The following ZNF423 variants were observed in gnomAD, a reference collection of about 807,000 sequenced individuals.
ZNF423 encodes the protein Ebf-associated zinc finger protein.
Under a neutral mutation model 95.8 loss-of-function variants are expected in ZNF423, and 12 were observed. The ratio of observed to expected loss-of-function variants is 0.13; its 90% CI spans 0.08 to 0.20. The LOEUF (loss-of-function observed/expected upper bound fraction) is 0.20. Ranked by LOEUF, ZNF423 falls within the 10% of genes least tolerant of loss-of-function variation. The pLI is 1.00. For missense variants in ZNF423, 1,316 were observed against 1,737.1 expected (o/e 0.76, Z 4.31); for synonymous variants, 749 against 711.9 (o/e 1.05, Z -0.83).
chr16:49,658,866 C>T (rs1249105602), intron 3 of ZNF423, among the ~76,000 whole-genome samples: 1 of 152,240 alleles, frequency 6.6e-6, no homozygotes, highest in South Asian at 2.1e-4. Flanking sequence ...CGCCCCAGCA[C>T]CCTGCCTGTC....
chr16:49,721,529 G>A (rs4785332), intron 3 of ZNF423, among the ~76,000 whole-genome samples: 119 of 152,070 alleles, frequency 7.8e-4, no homozygotes, highest in African/African-American at 2.5e-3. Flanking sequence ...AGCTTTGGCT[G>A]CTGCCAGGAA....
intron 3 of ZNF423, among the ~76,000 whole-genome samples, chr16:49,658,398 G>A (rs1339664375): frequency 6.6e-6 from 1 of 152,256 alleles, no homozygotes; most frequent in Non-Finnish European, 1.5e-5. Context: ...TGCTGGGCTA[G>A]CCAGGCGGCC....
chr16:49,709,914 A>G (rs554558150), intron 3 of ZNF423, among the ~76,000 whole-genome samples: 15 of 152,216 alleles, frequency 9.9e-5, no homozygotes, highest in African/African-American at 3.6e-4. Flanking sequence ...TCAGTCTCAG[A>G]TATTTTGTTA....
At chr16:49,611,889 A>AT (rs1971735858) in intron 5 of ZNF423, among the ~76,000 whole-genome samples, 1 of 152,098 alleles carries the variant, frequency 6.6e-6, no homozygotes, top group East Asian at 1.9e-4. Context: ...GATAAATTAG[A>AT]TGAAATGATC....
intron 1 of ZNF423, chr16:49,853,556 A>T: frequency 1.2e-6 from 1 of 842,700 alleles, no homozygotes; most frequent in Non-Finnish European, 1.4e-6. Context: ...GCTGATATTT[A>T]CAACACCGAG....
intron 1 of ZNF423, chr16:49,854,520 T>G: frequency 2.0e-6 from 2 of 985,448 alleles, no homozygotes; most frequent in Non-Finnish European, 2.4e-6. Context: ...CCAGAGGTCA[T>G]CAGGGGAGAT....
At chr16:49,551,113 C>CA (rs1281078496) in intron 5 of ZNF423, among the ~76,000 whole-genome samples, 2 of 152,238 alleles carry the variant, frequency 1.3e-5, no homozygotes, top group Non-Finnish European at 2.9e-5. Flanking sequence ...GTGGGCCCCC[C>CA]ACGGAAGGCC....
At chr16:49,703,696 G>A (rs1164290299) in intron 3 of ZNF423, among the ~76,000 whole-genome samples, 3 of 152,276 alleles carry the variant, frequency 2.0e-5, no homozygotes, top group Non-Finnish European at 2.9e-5. Context: ...AGCAAGGGTG[G>A]ATCCGGCTCT....
chr16:49,856,832 C>A (rs2035376245), upstream of ZNF423, among the ~76,000 whole-genome samples: 1 of 148,158 alleles, frequency 6.7e-6, no homozygotes. Flanking sequence ...GGTGCCAAGT[C>A]GCCGGCCCCG....
intron 5 of ZNF423, among the ~76,000 whole-genome samples, chr16:49,582,931 T>C (rs777611524): frequency 1.6e-4 from 25 of 152,246 alleles, no homozygotes; most frequent in Non-Finnish European, 2.5e-4. Context: ...ATACTCCCTA[T>C]CCATATGTGA....
chr16:49,621,906 C>T (rs976553300), intron 5 of ZNF423, among the ~76,000 whole-genome samples: 1 of 152,230 alleles, frequency 6.6e-6, no homozygotes, highest in Non-Finnish European at 1.5e-5. Context: ...TGTTCACTCA[C>T]CCCAGGACCA....
intron 7 of ZNF423, among the ~76,000 whole-genome samples, chr16:49,500,266 C>G (rs1402438036): frequency 6.6e-6 from 1 of 152,120 alleles, no homozygotes; most frequent in Non-Finnish European, 1.5e-5. Flanking sequence ...GACAGGGTAC[C>G]TAGCAGCAGA....
intron 2 of ZNF423, among the ~76,000 whole-genome samples, chr16:49,777,282 G>T (rs1389044090): frequency 6.6e-6 from 1 of 152,216 alleles, no homozygotes; most frequent in Admixed American, 6.5e-5. Flanking sequence ...CATGTGCATG[G>T]GTGGTACATG....
At chr16:49,821,151 TA>T (rs2034933928) in intron 1 of ZNF423, among the ~76,000 whole-genome samples, 1 of 149,074 alleles carries the variant, frequency 6.7e-6, no homozygotes. Flanking sequence ...TTAAATTTAA[TA>T]AAATTTGAGA....
intron 2 of ZNF423, among the ~76,000 whole-genome samples, chr16:49,778,769 C>G (rs983512208): frequency 6.6e-6 from 1 of 152,140 alleles, no homozygotes; most frequent in Non-Finnish European, 1.5e-5. Flanking sequence ...TCTCTGTCAC[C>G]CATACAGACG....
At chr16:49,652,533 C>G (rs1973448234) in intron 3 of ZNF423, among the ~76,000 whole-genome samples, 1 of 152,180 alleles carries the variant, frequency 6.6e-6, no homozygotes, top group African/African-American at 2.4e-5. Flanking sequence ...CTGCCAGCCT[C>G]CTGGCGTGGA....
At chr16:49,618,300 G>A (rs1971944129) in intron 5 of ZNF423, among the ~76,000 whole-genome samples, 2 of 152,198 alleles carry the variant, frequency 1.3e-5, no homozygotes, top group African/African-American at 4.8e-5. Context: ...GAAGGGCCTG[G>A]TGCTGAGTAA....
At chr16:49,717,308 GC>G (rs59266559) in intron 3 of ZNF423, among the ~76,000 whole-genome samples, 10,919 of 152,206 alleles carry the variant, frequency 0.072, 640 homozygotes, top group African/African-American at 0.16. Context: ...ATAGGAACAG[GC>G]CCCCATGGAA....
At chr16:49,640,034 G>A (rs758402138) in intron 3 of ZNF423, among the ~76,000 whole-genome samples, 3 of 152,192 alleles carry the variant, frequency 2.0e-5, no homozygotes, top group Non-Finnish European at 4.4e-5. Flanking sequence ...GCAGGCTGCT[G>A]CGGGCAGGGG....
Sources: allele counts gnomAD v4.1 joint callset (sites outside exome capture counted in the v4.1 genomes callset), GRCh38; gene constraint gnomAD v4.1.1; transcripts MANE v1.5; gene names NCBI Gene and HGNC (gene_info 2026-07-23, HGNC 2026-07-21).